The following TOP1 variants were observed in gnomAD, a reference collection of about 807,000 sequenced individuals.
The protein encoded by TOP1 is DNA topoisomerase I, also known as DNA topoisomerase 1.
In TOP1, 10 loss-of-function variants were observed where a neutral mutation model predicts 111.1. That is an observed-to-expected ratio of 0.09 (90% confidence interval 0.06 to 0.15). The LOEUF is 0.15. TOP1 is among the 10% of genes least tolerant of loss of function. The probability of loss-of-function intolerance (pLI) is 1.00; values close to 1 mark genes in which losing one functional copy is unlikely to be tolerated. For synonymous variants in TOP1, 271 were observed against 302.9 expected (o/e 0.89, Z 1.10); for missense variants, 474 against 926.7 (o/e 0.51, Z 6.34).
chr20:41,066,267 G>GGATGT (rs2033605508), intron 3 of TOP1, among the ~76,000 whole-genome samples: 2 of 151,522 alleles, frequency 1.3e-5, no homozygotes, highest in Admixed American at 1.3e-4. Context: ...AAAAAAAAAG[G>GGATGT]GATGTGATTT....
In TOP1 at chr20:41,061,537, G is replaced by T. The variant is rs199730030; in HGVS notation, c.155+47G>T. ...TCCCTCATCATTCAGCAGTGGGTTG[G>T]CCATTGCTTGGCTTACCTGGAATAG... is the stretch of plus-strand genomic sequence containing the variant. On this transcript the variant is annotated intron_variant, in intron 3 of 20. Transcript: ENST00000361337. This position sits in a 1 kb window ranked among gnomAD's most constrained non-coding sequence, Gnocchi z 4.6. The T allele has an allele frequency of 1.3e-6, 2 of 1,507,722 alleles. No homozygotes were observed. The highest frequency in any genetic ancestry group is 1.8e-6 in the Non-Finnish European group (2 of 1,106,692). 93.4% of individuals were successfully genotyped at this position (1,507,722 alleles called of 1,614,324 possible). A position where few individuals can be genotyped will look rare whatever the true frequency, so the allele number is the denominator to read the frequency against.
rs2034320693 is a variant in TOP1, at chr20:41,115,825, TTGG to T, written c.1707+390_1707+392del. Among the ~76,000 whole-genome samples, 1 of 152,180 alleles carries T rather than the reference TTGG, an allele frequency of 6.6e-6. No homozygotes were observed. The highest frequency in any genetic ancestry group is 6.5e-5 in the Admixed American group (1 of 15,288). On this transcript the variant is annotated intron_variant, in intron 16 of 20. Transcript: ENST00000361337. The surrounding 1 kb of genome is among the most constrained non-coding windows in gnomAD (Gnocchi z 6.3). The stretch of plus-strand genomic sequence containing the variant: ...TTAAGCCCACCAACCTGGGCCAGGC[TTGG>T]TGGCTTACGCCTGTTATCCCAGCAC...
chr20:41,091,982 C>T (rs1004031842), intron 8 of TOP1, among the ~76,000 whole-genome samples: 1 of 152,152 alleles, frequency 6.6e-6, no homozygotes, highest in African/African-American at 2.4e-5. Flanking sequence ...TGCGTAAGTA[C>T]CTTAAACTCA....
chr20:41,067,172 T>A lies in TOP1; in HGVS notation c.155+5682T>A, dbSNP rs1016145495. ...TCTCACTTTGTCACCCAGGCTGGAG[T>A]GCAGTGGTGTGATCTCGGCTCACTG... On this transcript the variant is annotated intron_variant, in intron 3 of 20. Transcript: ENST00000361337. This position sits in a 1 kb window ranked among gnomAD's most constrained non-coding sequence, Gnocchi z 4.0. 6.6e-6 allele frequency among the ~76,000 whole-genome samples: 1 copy of A among 152,106 alleles called. No individual in the cohort carries two copies. Among genetic ancestry groups the A allele is most frequent in the Non-Finnish European group, 1.5e-5 (1 of 68,012 alleles).
In TOP1 at chr20:41,122,845, G is replaced by A. The variant is rs2034443983; in HGVS notation, c.2196-350G>A. The stretch of plus-strand genomic sequence containing the variant: ...CTAGAGATTTGGTTAGCTCTTAAAA[G>A]GCAATATAGTATAGTGGTTAAGAAC... On this transcript the variant is annotated intron_variant, in intron 20 of 20. Transcript: ENST00000361337. This position sits in a 1 kb window ranked among gnomAD's most constrained non-coding sequence, Gnocchi z 5.4. 6.6e-6 allele frequency among the ~76,000 whole-genome samples: 1 copy of A among 152,176 alleles called. No homozygotes were observed. Among genetic ancestry groups the A allele is most frequent in the African/African-American group, 2.4e-5 (1 of 41,430 alleles).
chr20:41,096,957 G>C (rs1249492471), intron 9 of TOP1, among the ~76,000 whole-genome samples: 3 of 152,156 alleles, frequency 2.0e-5, no homozygotes, highest in African/African-American at 7.2e-5. Flanking sequence ...GGTCATCCCT[G>C]TCCTGAGCAG....
intron 2 of TOP1, among the ~76,000 whole-genome samples, chr20:41,060,163 A>G (rs1209766625): frequency 2.6e-5 from 4 of 152,250 alleles, no homozygotes; most frequent in Non-Finnish European, 5.9e-5. Flanking sequence ...TCTCCTAAGT[A>G]TGTACCCAAG....
chr20:41,050,033 T>C (rs2033384498), intron 2 of TOP1, among the ~76,000 whole-genome samples: 1 of 152,250 alleles, frequency 6.6e-6, no homozygotes, highest in Non-Finnish European at 1.5e-5. Flanking sequence ...TTGTTTTATG[T>C]TGAGGCAGAG....
chr20:41,035,255 T>C (rs929913303), intron 2 of TOP1, among the ~76,000 whole-genome samples: 1 of 152,206 alleles, frequency 6.6e-6, no homozygotes, highest in Non-Finnish European at 1.5e-5. Flanking sequence ...CACTTACCTG[T>C]CTGCTAAATT....
In TOP1 at chr20:41,029,181, C is replaced by T; in HGVS notation, c.33+81C>T. On this transcript the variant is annotated intron_variant, in intron 1 of 20. Coordinates refer to ENST00000361337, the MANE Select transcript of TOP1 (RefSeq NM_003286.4). The surrounding 1 kb of genome is among the most constrained non-coding windows in gnomAD (Gnocchi z 6.1). Reference sequence around the variant, plus strand: ...CCCCGGCGCAGGCCCCGACCCCAGCCCCGGCCCGGCAGCTTTGACAGGCCG... The same window carrying T: ...CCCCGGCGCAGGCCCCGACCCCAGCTCCGGCCCGGCAGCTTTGACAGGCCG... 1.7e-6 allele frequency: 2 copies of T among 1,149,390 alleles called. No individual in the cohort carries two copies. The highest frequency in any genetic ancestry group is 3.1e-4 in the Middle Eastern group (1 of 3,244). The allele number at this position is 1,149,390 out of a possible 1,614,324, so 71.2% of individuals were successfully genotyped here.
chr20:41,057,036 C>T (rs1014068592), intron 2 of TOP1, among the ~76,000 whole-genome samples: 1 of 152,120 alleles, frequency 6.6e-6, no homozygotes, highest in African/African-American at 2.4e-5. Flanking sequence ...GAGGCTGAGG[C>T]AGATGGATTG....
intron 13 of TOP1, among the ~76,000 whole-genome samples, chr20:41,105,237 A>G (rs1462488706): frequency 6.6e-6 from 1 of 152,226 alleles, no homozygotes; most frequent in African/African-American, 2.4e-5. Flanking sequence ...CACTAGTAAC[A>G]TACTAATTTA....
At chr20:41,073,257 G>A in intron 3 of TOP1, 4 of 984,798 alleles carry the variant, frequency 4.1e-6, no homozygotes, top group Non-Finnish European at 4.8e-6. Flanking sequence ...AACATTCTAA[G>A]AAATGCTTTC....
chr20:41,044,470 G>A (rs950215051), intron 2 of TOP1, among the ~76,000 whole-genome samples: 8 of 152,232 alleles, frequency 5.3e-5, no homozygotes, highest in Admixed American at 2.6e-4. Flanking sequence ...CTTATGCTTC[G>A]GCAGACTAAT....
chr20:41,039,301 A>T (rs1346653418), intron 2 of TOP1, among the ~76,000 whole-genome samples: 1 of 152,174 alleles, frequency 6.6e-6, no homozygotes, highest in African/African-American at 2.4e-5. Flanking sequence ...GGCTGCTGTC[A>T]TACAACATGA....
rs2034335881 is a variant in TOP1 at position 41,116,699 on chromosome 20, G to A, written c.1822+307G>A. Among the ~76,000 whole-genome samples the A allele has an allele frequency of 6.6e-6, 1 of 152,222 alleles. No individual in the cohort carries two copies. Among genetic ancestry groups the A allele is most frequent in the Admixed American group, 6.5e-5 (1 of 15,284 alleles). On this transcript the variant is annotated intron_variant, in intron 17 of 20. Transcript: ENST00000361337. This position sits in a 1 kb window ranked among gnomAD's most constrained non-coding sequence, Gnocchi z 5.6. ...CTTAAAAGCCCACAGAGTGAAGACAGTGCTGTGATGTTCTGTTAAATTGGA... is the reference window on the plus strand; with the variant it reads ...CTTAAAAGCCCACAGAGTGAAGACAATGCTGTGATGTTCTGTTAAATTGGA...
At position 41,058,531 on chromosome 20, in the gene TOP1, G is replaced by C. The variant is rs1218688390; in HGVS notation, c.59-2863G>C. Among the ~76,000 whole-genome samples the C allele has an allele frequency of 6.6e-6, 1 of 152,176 alleles. No homozygotes were observed. Among genetic ancestry groups the C allele is most frequent in the African/African-American group, 2.4e-5 (1 of 41,432 alleles). ...TTCTTACTACATGGGCCTTTCCAGA[G>C]GGCTTCTGAGTGAGTACATGACAGT... On this transcript the variant is annotated intron_variant, in intron 2 of 20. Transcript: ENST00000361337. The surrounding 1 kb of genome is among the most constrained non-coding windows in gnomAD (Gnocchi z 4.2).
rs370608600 is a variant in TOP1, at chr20:41,103,497, A to G, written c.1308+2144A>G. On this transcript the variant is annotated intron_variant, in intron 13 of 20. Transcript: ENST00000361337. ...CACTTCAGCAAGATTTACAGGCATT[A>G]TATGTAAATCACATCAGTAAATATG... 3.5e-4 allele frequency among the ~76,000 whole-genome samples: 54 copies of G among 152,352 alleles called. 1 individual carries two copies. In the East Asian group the frequency reaches 4.8e-3, roughly 14 times the overall value.
In TOP1 at chr20:41,032,767, AATAG is replaced by A. The variant is rs1390907404; in HGVS notation, c.58+3317_58+3320del. ...TTAAATATGAATTGTTTCTGATGCT[AATAG>A]ATAGTTGTACTTCTGTCTGTTGGGT... On this transcript the variant is annotated intron_variant, in intron 2 of 20. Transcript: ENST00000361337. This position sits in a 1 kb window ranked among gnomAD's most constrained non-coding sequence, Gnocchi z 4.3. Among the ~76,000 whole-genome samples, 1 of 152,218 alleles carries A rather than the reference AATAG, an allele frequency of 6.6e-6. No homozygotes were observed. Among genetic ancestry groups the A allele is most frequent in the African/African-American group, 2.4e-5 (1 of 41,454 alleles).
Sources: gnomAD v4.1 joint callset for allele counts (sites outside exome capture counted in the v4.1 genomes callset) on GRCh38, gnomAD v4.1.1 for gene constraint, Gnocchi (gnomAD v3.1) non-coding constraint, MANE v1.5 for transcripts, NCBI Gene and HGNC (gene_info 2026-07-23, HGNC 2026-07-21) for gene names.